Variants in AKAP13 observed in about 807,000 individuals in gnomAD.
AKAP13 encodes the protein A-kinase anchor protein 13.
In AKAP13, 80 loss-of-function variants were observed where a neutral mutation model predicts 264.5. The ratio of observed to expected loss-of-function variants is 0.30; its 90% CI spans 0.25 to 0.36. The LOEUF (loss-of-function observed/expected upper bound fraction) is 0.36. AKAP13 is among the 10% of genes least tolerant of loss of function. The pLI, the probability that AKAP13 is intolerant of heterozygous loss-of-function variation, is 1.00. For missense variants in AKAP13, 3,712 were observed against 3,435.2 expected (o/e 1.08, Z -2.01); for synonymous variants, 1,380 against 1,250.2 (o/e 1.10, Z -2.19).
chr15:85,545,971 C>T (rs989022368), intron 5 of AKAP13, among the ~76,000 whole-genome samples: 1 of 152,088 alleles, frequency 6.6e-6, no homozygotes, highest in East Asian at 1.9e-4. Flanking sequence ...TTGTCATCAC[C>T]CAAACTGAAC....
intron 8 of AKAP13, among the ~76,000 whole-genome samples, chr15:85,590,903 T>C (rs1887346212): frequency 6.6e-6 from 1 of 152,222 alleles, no homozygotes. Context: ...AGTATTATTA[T>C]TAGTTTAGTA....
intron 1 of AKAP13, among the ~76,000 whole-genome samples, chr15:85,401,651 A>G (rs1179595746): frequency 6.6e-6 from 1 of 152,232 alleles, no homozygotes; most frequent in Non-Finnish European, 1.5e-5. Flanking sequence ...AAAGAGAGTA[A>G]TAACAATTAG....
At chr15:85,544,213 T>G in intron 5 of AKAP13, 1 of 591,276 alleles carries the variant, frequency 1.7e-6, no homozygotes, top group East Asian at 3.7e-5. Flanking sequence ...TCTTATATTT[T>G]ACTATTTTAC....
rs529020935 is a variant in AKAP13 at position 85,547,983 on chromosome 15, G to A, written c.662+4028G>A. ...TAAAGACCCCAGTTTGCAGGCTCTT[G>A]GTGTCATGAATGCTAGGAAGTGACA... is the stretch of plus-strand genomic sequence containing the variant. On this transcript the variant is annotated intron_variant, in intron 5 of 36. Transcript: ENST00000394518. Among the ~76,000 whole-genome samples, 14 of 152,228 alleles carry A rather than the reference G, an allele frequency of 9.2e-5. No individual in the cohort carries two copies. The South Asian group carries it at 2.7e-3, about 29-fold the overall frequency.
intron 1 of AKAP13, among the ~76,000 whole-genome samples, chr15:85,470,350 T>C (rs1212804968): frequency 1.3e-5 from 2 of 152,088 alleles, no homozygotes; most frequent in Non-Finnish European, 2.9e-5. Flanking sequence ...GAGTCCATAG[T>C]AGAGGAGGAA....
At chr15:85,644,836 C>T (rs1034641416) in intron 9 of AKAP13, among the ~76,000 whole-genome samples, 1 of 152,078 alleles carries the variant, frequency 6.6e-6, no homozygotes, top group African/African-American at 2.4e-5. Context: ...CTCATATCCA[C>T]TCAGTAATGG....
At chr15:85,403,550 C>G (rs1244456029) in intron 1 of AKAP13, among the ~76,000 whole-genome samples, 1 of 152,074 alleles carries the variant, frequency 6.6e-6, no homozygotes, top group African/African-American at 2.4e-5. Flanking sequence ...CATTTAAAAG[C>G]TGATGTGAGG....
chr15:85,708,067 G>A lies in AKAP13; in HGVS notation c.5513G>A (p.Cys1838Tyr), dbSNP rs905170494. 6.2e-7 allele frequency: 1 copy of A among 1,613,842 alleles called. No homozygotes were observed. Among genetic ancestry groups the A allele is most frequent in the African/African-American group, 1.3e-5 (1 of 75,046 alleles). The change falls in exon 18 of 37, where the codon TGT becomes TAT. Residue 1838 changes from cysteine to tyrosine, a missense_variant. By Grantham distance (194) the Cys-to-Tyr change is radical. Transcript: ENST00000394518. The surrounding 1 kb of genome is among the most constrained non-coding windows in gnomAD (Gnocchi z 4.3). ...GGCTGCCGAGAAAGTCTAGCCTCCT[G>A]TGCAAAGGTCAAAATGAAGGTAAGA... ...HKGCRESLAS[C>Y]AKVKMKQPKG... is the part of the protein sequence containing the mutation.
At chr15:85,523,472 G>A (rs534111155) in intron 3 of AKAP13, among the ~76,000 whole-genome samples, 1 of 151,878 alleles carries the variant, frequency 6.6e-6, no homozygotes, top group Non-Finnish European at 1.5e-5. Flanking sequence ...GAGGCCTTTC[G>A]GTCCAGCTCA....
At chr15:85,575,387 G>A (rs1028583549) in intron 6 of AKAP13, 58 bp downstream of exon 6, 4 of 1,509,340 alleles carry the variant, frequency 2.7e-6, no homozygotes, top group African/African-American at 1.4e-5. Flanking sequence ...TGTTTTGTAT[G>A]TGTGTGTCCC....
intron 5 of AKAP13, among the ~76,000 whole-genome samples, chr15:85,563,991 C>G (rs2078511656): frequency 6.6e-6 from 1 of 152,066 alleles, no homozygotes; most frequent in African/African-American, 2.4e-5. Flanking sequence ...TGTGGTATAC[C>G]TTGAACAAAT....
chr15:85,610,317 T>C (rs1398905016), intron 8 of AKAP13, among the ~76,000 whole-genome samples: 1 of 152,212 alleles, frequency 6.6e-6, no homozygotes, highest in Non-Finnish European at 1.5e-5. Flanking sequence ...TCTTTTTCCA[T>C]TTCCTTTCCA....
intron 4 of AKAP13, among the ~76,000 whole-genome samples, chr15:85,538,170 A>G (rs1464190939): frequency 6.6e-6 from 1 of 152,108 alleles, no homozygotes; most frequent in Non-Finnish European, 1.5e-5. Context: ...CATAACTCCC[A>G]GGTAATGTAG....
chr15:85,617,390 T>A (rs2080988207), intron 8 of AKAP13, among the ~76,000 whole-genome samples: 1 of 152,194 alleles, frequency 6.6e-6, no homozygotes, highest in Non-Finnish European at 1.5e-5. Context: ...ACTACAGGCA[T>A]GTGCCAACAT....
At chr15:85,450,803 T>C (rs2074059504) in intron 1 of AKAP13, among the ~76,000 whole-genome samples, 1 of 152,248 alleles carries the variant, frequency 6.6e-6, no homozygotes, top group African/African-American at 2.4e-5. Flanking sequence ...GTATGTGCCA[T>C]GTCGTGATGA....
At chr15:85,700,185 C>G (rs1163769251) in intron 17 of AKAP13, among the ~76,000 whole-genome samples, 1 of 152,206 alleles carries the variant, frequency 6.6e-6, no homozygotes, top group Non-Finnish European at 1.5e-5. Context: ...ATTAGACTAT[C>G]ACTCAGAATT....
chr15:85,546,626 A>G (rs1001324182), intron 5 of AKAP13, among the ~76,000 whole-genome samples: 3 of 152,190 alleles, frequency 2.0e-5, no homozygotes, highest in Non-Finnish European at 4.4e-5. Context: ...GTATCTCTTG[A>G]AATTATAAAG....
At chr15:85,664,885 C>A in intron 13 of AKAP13, 130 bp downstream of exon 13, 1 of 858,620 alleles carries the variant, frequency 1.2e-6, no homozygotes, top group Non-Finnish European at 1.7e-6. Context: ...CTTAATCTAG[C>A]ACTAAACCAA....
chr15:85,562,710 T>A (rs1787533158), intron 5 of AKAP13, among the ~76,000 whole-genome samples: 1 of 87,218 alleles, frequency 1.1e-5, no homozygotes, highest in African/African-American at 4.0e-5. Context: ...TTTTTTTTTT[T>A]TTGAGACTGA....
Sources: gnomAD v4.1 joint callset for allele counts (sites outside exome capture counted in the v4.1 genomes callset) on GRCh38, gnomAD v4.1.1 for gene constraint, Gnocchi (gnomAD v3.1) non-coding constraint, MANE v1.5 for transcripts, NCBI Gene and HGNC (gene_info 2026-07-23, HGNC 2026-07-21) for gene names.